PTPN13: variants seen among roughly 807,000 people sequenced by gnomAD.
PTPN13 encodes protein tyrosine phosphatase non-receptor type 13.
PTPN13 carries 191 observed loss-of-function variants against 284.0 expected under a neutral mutation model. The ratio of observed to expected loss-of-function variants is 0.67; its 90% CI spans 0.60 to 0.76. The LOEUF (loss-of-function observed/expected upper bound fraction) is 0.76, where lower values mean the gene tolerates loss of function less well. PTPN13 is among the 30% of genes least tolerant of loss of function. The pLI, the probability that PTPN13 is intolerant of heterozygous loss-of-function variation, is 0.00. For missense variants in PTPN13, 2,797 were observed against 2,939.9 expected (o/e 0.95, Z 1.12); for synonymous variants, 986 against 1,022.3 (o/e 0.96, Z 0.68).
At chr4:86,697,187 CAAAGCAACCTTGTGATACATTA>C (rs1730676603) in intron 6 of PTPN13, among the ~76,000 whole-genome samples, 1 of 152,056 alleles carries the variant, frequency 6.6e-6, no homozygotes, top group African/African-American at 2.4e-5. Context: ...TCAATTGCAG[CAAAGCAACCTTGTGATACATTA>C]TTAATAAAAC....
intron 2 of PTPN13, among the ~76,000 whole-genome samples, chr4:86,650,941 AC>A (rs537054437): frequency 9.2e-4 from 140 of 152,284 alleles, no homozygotes; most frequent in Admixed American, 2.0e-3. Context: ...TCTGGCTAGA[AC>A]TTCTAGTTTT....
chr4:86,686,686 A>G lies in PTPN13; in HGVS notation c.295-24A>G, dbSNP rs775541773. The stretch of plus-strand genomic sequence containing the variant: ...TTCTATTGTATTTTATCATAAAATT[A>G]TTTCTTAAAAATTCTATTCCTAGAT... On this transcript the variant is annotated intron_variant, in intron 3 of 47. Transcript: ENST00000411767. The G allele has an allele frequency of 1.8e-5, 26 of 1,432,456 alleles. No homozygotes were observed. In the South Asian group the frequency reaches 2.2e-4, roughly 12 times the overall value. 88.7% of individuals were successfully genotyped at this position (1,432,456 alleles called of 1,614,324 possible). A position where few individuals can be genotyped will look rare whatever the true frequency, so the allele number is the denominator to read the frequency against.
chr4:86,782,283 T>C (rs1260765504), intron 37 of PTPN13, 21 bp downstream of exon 37: 10 of 1,563,074 alleles, frequency 6.4e-6, no homozygotes, highest in Non-Finnish European at 8.8e-6. Context: ...GCCCACCCTC[T>C]TTCATGTCAT....
At chr4:86,620,607 C>A (rs1287794531) in intron 1 of PTPN13, among the ~76,000 whole-genome samples, 2 of 152,198 alleles carry the variant, frequency 1.3e-5, no homozygotes, top group African/African-American at 2.4e-5. Context: ...ACTAGAACAT[C>A]ATGTCTAAAT....
intron 2 of PTPN13, among the ~76,000 whole-genome samples, chr4:86,653,570 C>T (rs1725356562): frequency 6.6e-6 from 1 of 150,894 alleles, no homozygotes; most frequent in Non-Finnish European, 1.5e-5. Context: ...TAATATGCAA[C>T]TTGAAAGTCC....
chr4:86,637,446 C>A (rs1431850235), intron 2 of PTPN13, among the ~76,000 whole-genome samples: 2 of 151,356 alleles, frequency 1.3e-5, no homozygotes, highest in East Asian at 1.9e-4. Flanking sequence ...TACTGGCAAA[C>A]CGAATCCAGC....
chr4:86,733,706 A>G (rs917363988), intron 12 of PTPN13, among the ~76,000 whole-genome samples: 5 of 152,146 alleles, frequency 3.3e-5, no homozygotes, highest in East Asian at 1.9e-4. Flanking sequence ...CCAAATATCT[A>G]TTTATACTAT....
intron 1 of PTPN13, among the ~76,000 whole-genome samples, chr4:86,626,590 T>A (rs1435737342): frequency 6.6e-6 from 1 of 152,152 alleles, no homozygotes; most frequent in Non-Finnish European, 1.5e-5. Context: ...ACCCTTAATC[T>A]TCTACACCTC....
At chr4:86,626,455 T>C (rs1439542507) in intron 1 of PTPN13, among the ~76,000 whole-genome samples, 2 of 152,154 alleles carry the variant, frequency 1.3e-5, no homozygotes. Context: ...CTTTTTCTCT[T>C]AAAATTCCTA....
intron 7 of PTPN13, among the ~76,000 whole-genome samples, chr4:86,708,605 C>A (rs566169534): frequency 6.6e-6 from 1 of 151,996 alleles, no homozygotes; most frequent in African/African-American, 2.4e-5. Context: ...TCTCTAAGGA[C>A]GGATTGATAT....
Position 86,734,476 on chromosome 4 carries a change from T to C in PTPN13, c.2012+20T>C. 2.0e-6 allele frequency: 3 copies of C among 1,507,370 alleles called. No homozygotes were observed. Among genetic ancestry groups the C allele is most frequent in the Non-Finnish European group, 1.8e-6 (2 of 1,126,086 alleles). 93.4% of individuals were successfully genotyped at this position (1,507,370 alleles called of 1,614,324 possible). A position where few individuals can be genotyped will look rare whatever the true frequency, so the allele number is the denominator to read the frequency against. ...AATACAGTGAGTACACAAGAGTTTC[T>C]CTTTTGCTCTTTTTGGACACTGGTC... On this transcript the variant is annotated intron_variant, in intron 13 of 47. Coordinates refer to ENST00000411767, the MANE Select transcript of PTPN13 (RefSeq NM_080683.3).
chr4:86,679,005 T>C (rs138733554), intron 3 of PTPN13, among the ~76,000 whole-genome samples: 141 of 152,324 alleles, frequency 9.3e-4, no homozygotes, highest in Non-Finnish European at 1.7e-3. Flanking sequence ...AGATTCTCCA[T>C]GTCCCCTGAA....
chr4:86,707,582 C>T (rs1029893703), intron 7 of PTPN13, among the ~76,000 whole-genome samples: 10 of 152,138 alleles, frequency 6.6e-5, no homozygotes, highest in Non-Finnish European at 1.2e-4. Flanking sequence ...TGTGTGAGTT[C>T]ATGTTCAAGT....
intron 1 of PTPN13, among the ~76,000 whole-genome samples, chr4:86,596,246 T>C (rs1031378600): frequency 2.0e-5 from 3 of 152,190 alleles, no homozygotes; most frequent in Admixed American, 1.3e-4. Context: ...GTTTTTCACT[T>C]TTACAATTAG....
In PTPN13 at chr4:86,809,846, T is replaced by A. The variant is rs1354234122; in HGVS notation, c.7161T>A (p.Asp2387Glu). The change falls in exon 46 of 48, where the codon GAT becomes GAA. Residue 2387 changes from aspartate (D) to glutamate (E), a missense_variant. Transcript: ENST00000411767. The part of the protein sequence containing the change: ...PDHDTPSQPD[D>E]LLTFISYMRH... Reference sequence around the variant, plus strand: ...ATGATACACCTTCTCAACCAGATGATCTGCTTACTTTTATCTCCTACATGA... The same window carrying A: ...ATGATACACCTTCTCAACCAGATGAACTGCTTACTTTTATCTCCTACATGA... 6.2e-7 allele frequency: 1 copy of A among 1,613,932 alleles called. No homozygotes were observed. The highest frequency in any genetic ancestry group is 8.5e-7 in the Non-Finnish European group (1 of 1,179,910).
intron 6 of PTPN13, among the ~76,000 whole-genome samples, chr4:86,695,238 T>C (rs1730474346): frequency 6.6e-6 from 1 of 152,118 alleles, no homozygotes; most frequent in Admixed American, 6.5e-5. Flanking sequence ...TTTTTTCTAA[T>C]GCATATATGA....
chr4:86,690,541 C>T (rs542532065), intron 5 of PTPN13, among the ~76,000 whole-genome samples: 1 of 152,002 alleles, frequency 6.6e-6, no homozygotes, highest in Non-Finnish European at 1.5e-5. Flanking sequence ...CAGACATTCT[C>T]ATAAGACTAA....
At chr4:86,731,722 C>T (rs867255771) in intron 10 of PTPN13, among the ~76,000 whole-genome samples, 1 of 152,144 alleles carries the variant, frequency 6.6e-6, no homozygotes, top group Non-Finnish European at 1.5e-5. Flanking sequence ...TAGCTCACAG[C>T]AGCCTGGAAC....
rs563626401 is a variant in PTPN13, at chr4:86,636,630, G to A, written c.115+1259G>A. On this transcript the variant is annotated intron_variant, in intron 2 of 47. Coordinates refer to ENST00000411767, the MANE Select transcript of PTPN13 (RefSeq NM_080683.3). Reference sequence around the variant, plus strand: ...AATAAAGATGTTCTTTGAAACCAACGAGAACAAAGACACAACATACCAGAA... The same window carrying A: ...AATAAAGATGTTCTTTGAAACCAACAAGAACAAAGACACAACATACCAGAA... Among the ~76,000 whole-genome samples, 137 of 152,094 alleles carry A rather than the reference G, an allele frequency of 9.0e-4. No homozygotes were observed. In the South Asian group the frequency reaches 0.024, roughly 26 times the overall value.
Sources: gnomAD v4.1 joint callset for allele counts (sites outside exome capture counted in the v4.1 genomes callset) on GRCh38, gnomAD v4.1.1 for gene constraint, MANE v1.5 for transcripts, NCBI Gene and HGNC (gene_info 2026-07-23, HGNC 2026-07-21) for gene names.